TENM3: variants seen among roughly 807,000 people sequenced by gnomAD.
TENM3 encodes the protein teneurin-3.
A neutral mutation model predicts 255.1 loss-of-function variants in TENM3; 63 were observed. The ratio of observed to expected loss-of-function variants is 0.25; its 90% confidence interval spans 0.20 to 0.30. The LOEUF is 0.30. TENM3 is among the 10% of genes least tolerant of loss of function. TENM3 has a pLI of 1.00. For synonymous variants in TENM3, 1,306 were observed against 1,322.3 expected (o/e 0.99, Z 0.27); for missense variants, 2,929 against 3,461.1 (o/e 0.85, Z 3.86).
the TENM3 span, among the ~76,000 whole-genome samples, chr4:181,768,013 CA>C: frequency 6.6e-6 from 1 of 152,116 alleles, no homozygotes; most frequent in Non-Finnish European, 1.5e-5. Context: ...ATGCAGAAGG[CA>C]AATGGCTATT....
intron 3 of TENM3, among the ~76,000 whole-genome samples, chr4:182,424,125 C>T (rs1216956226): frequency 6.6e-6 from 1 of 152,274 alleles, no homozygotes; most frequent in East Asian, 1.9e-4. Flanking sequence ...TTCAATTCTA[C>T]TTCACTTAGT....
intron 2 of TENM3, among the ~76,000 whole-genome samples, chr4:182,341,067 A>G (rs539300324): frequency 1.3e-5 from 2 of 152,322 alleles, no homozygotes; most frequent in East Asian, 3.9e-4. Context: ...GCTCCCATGT[A>G]TCTTACAAAG....
At chr4:182,537,327 T>A (rs948887981) in intron 3 of TENM3, among the ~76,000 whole-genome samples, 2 of 152,052 alleles carry the variant, frequency 1.3e-5, no homozygotes, top group African/African-American at 4.8e-5. Context: ...ATCTAAACTC[T>A]TGGTTTATAA....
At chr4:181,468,989 A>G in the TENM3 span, among the ~76,000 whole-genome samples, 8 of 152,252 alleles carry the variant, frequency 5.3e-5, no homozygotes, top group Non-Finnish European at 1.0e-4. Context: ...GTCAACCTGG[A>G]TGTCAGAATT....
At chr4:182,595,725 T>C (rs1157948221) in intron 3 of TENM3, among the ~76,000 whole-genome samples, 1 of 152,066 alleles carries the variant, frequency 6.6e-6, no homozygotes, top group Non-Finnish European at 1.5e-5. Context: ...GAGAATTTAA[T>C]TTTCAGAAAG....
At chr4:181,730,067 T>G in the TENM3 span, among the ~76,000 whole-genome samples, 1 of 152,006 alleles carries the variant, frequency 6.6e-6, no homozygotes, top group African/African-American at 2.4e-5. Context: ...AGAGGTTGGG[T>G]TTTATGCCTC....
chr4:181,954,145 T>A, the TENM3 span, among the ~76,000 whole-genome samples: 11 of 152,224 alleles, frequency 7.2e-5, no homozygotes, highest in Non-Finnish European at 1.6e-4. Flanking sequence ...TGAATACACC[T>A]ACTATAATTT....
chr4:181,788,886 C>T, the TENM3 span, among the ~76,000 whole-genome samples: 1 of 152,218 alleles, frequency 6.6e-6, no homozygotes, highest in Admixed American at 6.5e-5. Flanking sequence ...GCATGAGCCA[C>T]TGCGCCTAGC....
chr4:181,697,235 G>A, the TENM3 span, among the ~76,000 whole-genome samples: 5 of 152,114 alleles, frequency 3.3e-5, no homozygotes, highest in African/African-American at 1.2e-4. Context: ...GCCATTTTCT[G>A]GAGACCAGGG....
chr4:181,918,767 A>G, the TENM3 span, among the ~76,000 whole-genome samples: 16,868 of 152,146 alleles, frequency 0.11, 1,204 homozygotes, highest in East Asian at 0.2. Context: ...TCATGTATAT[A>G]TTTATATTCC....
the TENM3 span, among the ~76,000 whole-genome samples, chr4:181,800,543 G>A: frequency 6.6e-6 from 1 of 152,178 alleles, no homozygotes; most frequent in Non-Finnish European, 1.5e-5. Context: ...TGAGGTGGAA[G>A]AACTGCTTGA....
chr4:182,207,343 G>T (rs1382546225), intron 1 of TENM3, among the ~76,000 whole-genome samples: 1 of 152,150 alleles, frequency 6.6e-6, no homozygotes, highest in Non-Finnish European at 1.5e-5. Context: ...GGTTCACTTG[G>T]TATGTCATAT....
chr4:181,534,557 T>C, the TENM3 span, among the ~76,000 whole-genome samples: 1 of 152,038 alleles, frequency 6.6e-6, no homozygotes. Flanking sequence ...ATGCCTGCTA[T>C]GAGTAATGTC....
chr4:182,307,783 G>A (rs1457401300), intron 1 of TENM3, among the ~76,000 whole-genome samples: 2 of 152,182 alleles, frequency 1.3e-5, no homozygotes, highest in African/African-American at 4.8e-5. Context: ...TTATTGAATA[G>A]CCACAATTTA....
chr4:182,303,667 T>C (rs542820977), intron 1 of TENM3, among the ~76,000 whole-genome samples: 1 of 152,272 alleles, frequency 6.6e-6, no homozygotes, highest in East Asian at 1.9e-4. Flanking sequence ...TGAGTCTAGA[T>C]TTCCTTATGT....
At chr4:182,576,270 G>C (rs1017847792) in intron 3 of TENM3, among the ~76,000 whole-genome samples, 3 of 152,092 alleles carry the variant, frequency 2.0e-5, no homozygotes, top group Non-Finnish European at 4.4e-5. Context: ...TTATATGTGG[G>C]ATAAAAACGA....
At chr4:181,886,022 A>G in the TENM3 span, among the ~76,000 whole-genome samples, 1 of 142,888 alleles carries the variant, frequency 7.0e-6, no homozygotes, top group African/African-American at 2.6e-5. Flanking sequence ...TTCTCCTACG[A>G]GTTTTTTCGC....
chr4:182,684,516 T>C (rs1322802549), intron 11 of TENM3, among the ~76,000 whole-genome samples: 1 of 151,474 alleles, frequency 6.6e-6, no homozygotes, highest in Non-Finnish European at 1.5e-5. Context: ...TCTCTGTGCC[T>C]CTGTTTCTTT....
At chr4:181,865,693 T>C in the TENM3 span, among the ~76,000 whole-genome samples, 1 of 152,222 alleles carries the variant, frequency 6.6e-6, no homozygotes, top group Admixed American at 6.5e-5. Flanking sequence ...TTCCACTCTG[T>C]CTATTTTCAT....
Sources: allele counts gnomAD v4.1 joint callset (sites outside exome capture counted in the v4.1 genomes callset), GRCh38; gene constraint gnomAD v4.1.1; transcripts MANE v1.5; gene names NCBI Gene and HGNC (gene_info 2026-07-23, HGNC 2026-07-21).